Variants in MYH7 observed in about 807,000 individuals in gnomAD.
MYH7 encodes myosin-7.
In MYH7, 129 loss-of-function variants were observed where a neutral mutation model predicts 225.4. The ratio of observed to expected loss-of-function variants is 0.57; its 90% CI spans 0.50 to 0.66. The LOEUF is 0.66. MYH7 is among the 30% of genes least tolerant of loss of function. MYH7 has a pLI of 0.00. For missense variants in MYH7, 1,649 were observed against 2,517.0 expected (o/e 0.66, Z 7.38); for synonymous variants, 971 against 1,007.6 (o/e 0.96, Z 0.69).
chr14:23,429,487 C>G lies in MYH7; in HGVS notation c.1139-140G>C, dbSNP rs547140866. ...GGTCAGGAGTTTGAGACCAACCTGG[C>G]CAACATGATGAAACCCCATCTCTAC... On this transcript the variant is annotated intron_variant, in intron 12 of 39. Coordinates refer to ENST00000355349, the MANE Select transcript of MYH7 (RefSeq NM_000257.4). 5.7e-5 allele frequency: 52 copies of G among 913,866 alleles called. No homozygotes were observed. The South Asian group carries it at 6.5e-4, about 11-fold the overall frequency. 56.6% of individuals were successfully genotyped at this position (913,866 alleles called of 1,614,324 possible). A position where few individuals can be genotyped will look rare whatever the true frequency, so the allele number is the denominator to read the frequency against.
At chr14:23,427,435 C>T in intron 16 of MYH7, 128 bp from the exon 17 acceptor site, 1 of 1,464,858 alleles carries the variant, frequency 6.8e-7, no homozygotes, top group Non-Finnish European at 9.4e-7. Flanking sequence ...ATGTGGCTGC[C>T]TCAGTTTCTT....
At chr14:23,416,365 G>GGGT in intron 33 of MYH7, 53 bp from the exon 34 acceptor site, 1 of 1,580,484 alleles carries the variant, frequency 6.3e-7, no homozygotes, top group South Asian at 1.2e-5. Flanking sequence ...GCACAGGGCA[G>GGGT]GGTGGGGGCC....
At chr14:23,432,836 G>A (rs776118931) in intron 4 of MYH7, 41 bp from the exon 5 acceptor site, 6 of 1,612,924 alleles carry the variant, frequency 3.7e-6, no homozygotes, top group South Asian at 3.3e-5. Context: ...AGTTGCGAAG[G>A]GGGAGGGCTG....
At chr14:23,412,943 A>C in intron 39 of MYH7, 72 bp from the exon 40 acceptor site, 1 of 1,496,216 alleles carries the variant, frequency 6.7e-7, no homozygotes, top group African/African-American at 1.4e-5. Flanking sequence ...CATGGGAACA[A>C]AGGTGAGAGG....
intron 14 of MYH7, 106 bp downstream of exon 14, chr14:23,428,849 C>G: frequency 1.9e-6 from 3 of 1,589,544 alleles, no homozygotes; most frequent in Non-Finnish European, 2.6e-6. Flanking sequence ...CCACACAGTC[C>G]CCACTGCCTT....
chr14:23,429,916 G>A lies in MYH7; in HGVS notation c.1000-3C>T, dbSNP rs1892859272. On this transcript the variant is annotated splice_polypyrimidine_tract_variant and splice_region_variant and intron_variant, in intron 11 of 39. Transcript: ENST00000355349. ...AAGCCCAGCACATCAAAAGCGTTCT[G>A]TAGGGAGGCCCCATATTGGCGGACC... 3 of 1,614,008 alleles carry A rather than the reference G, an allele frequency of 1.9e-6. No homozygotes were observed. Among genetic ancestry groups the A allele is most frequent in the Non-Finnish European group, 2.5e-6 (3 of 1,180,010 alleles).
chr14:23,418,477 C>A, intron 29 of MYH7, 71 bp from the exon 30 acceptor site: 1 of 1,492,746 alleles, frequency 6.7e-7, no homozygotes, highest in Non-Finnish European at 8.9e-7. Context: ...TGCCCTTCTC[C>A]TCACCCCAAT....
intron 17 of MYH7, among the ~76,000 whole-genome samples, 171 bp downstream of exon 17, chr14:23,427,069 A>T (rs1892720906): frequency 6.6e-6 from 1 of 151,498 alleles, no homozygotes; most frequent in Admixed American, 6.6e-5. Context: ...GAAGTAAATA[A>T]GTGAAGAGGC....
At position 23,425,945 on chromosome 14, in the gene MYH7, G is replaced by A. The variant is rs1892679824; in HGVS notation, c.2162+19C>T. On this transcript the variant is annotated intron_variant, in intron 19 of 39. Coordinates refer to ENST00000355349, the MANE Select transcript of MYH7 (RefSeq NM_000257.4). The surrounding 1 kb of genome is among the most constrained non-coding windows in gnomAD (Gnocchi z 4.6). ...TGGCTCCCCCTGTTCTATGAGCTCT[G>A]GTGCACCCTCATACCCACCTCTGCC... The A allele has an allele frequency of 6.2e-7, 1 of 1,613,140 alleles. No individual in the cohort carries two copies.
Position 23,433,292 on chromosome 14 carries a change from AG to A in MYH7, c.202-66del. 1 of 1,610,914 alleles carries A rather than the reference AG, an allele frequency of 6.2e-7. No homozygotes were observed. Among genetic ancestry groups the A allele is most frequent in the South Asian group, 1.1e-5 (1 of 90,730 alleles). On this transcript the variant is annotated intron_variant, in intron 3 of 39. Transcript: ENST00000355349. The surrounding 1 kb of genome is among the most constrained non-coding windows in gnomAD (Gnocchi z 4.1). Reference sequence around the variant, plus strand: ...CTTTCCCTCCTTCCTCAAGAGGGTTAGGAGTTGGTGAGTGACAGGGCAATAG... The same window carrying A: ...CTTTCCCTCCTTCCTCAAGAGGGTTAGAGTTGGTGAGTGACAGGGCAATAG...
At position 23,418,349 on chromosome 14, in the gene MYH7, G is replaced by A. The variant is rs727504352; in HGVS notation, c.4030C>T (p.Arg1344Trp). The A allele has an allele frequency of 3.5e-5, 56 of 1,613,728 alleles. No individual in the cohort carries two copies. The highest frequency in any genetic ancestry group is 4.2e-5 in the Non-Finnish European group (50 of 1,179,946). Residue 1344 changes from arginine (R) to tryptophan (W), a missense_variant, in exon 30 of 40, where the codon CGG (arginine) becomes TGG (tryptophan). Arg to Trp is a moderately radical substitution (Grantham distance 101). This residue lies in a region of MYH7 where 687 missense variants were observed against 913.8 expected (regional missense o/e 0.75). Coordinates refer to ENST00000355349, the MANE Select transcript of MYH7 (RefSeq NM_000257.4). Reference sequence around the variant, plus strand: ...TCCGTCTCCTCCTCGTACTGCTCCCGCAGCAGGTCGCAGTCATGCCGGGCC... The same window carrying A: ...TCCGTCTCCTCCTCGTACTGCTCCCACAGCAGGTCGCAGTCATGCCGGGCC... ...QSARHDCDLL[R>W]EQYEEETEAK...
intron 1 of MYH7, among the ~76,000 whole-genome samples, chr14:23,434,830 A>G (rs1193789407): frequency 6.6e-6 from 1 of 151,994 alleles, no homozygotes; most frequent in East Asian, 1.9e-4. Context: ...TCACAGACAC[A>G]CCCATCACAT....
At chr14:23,429,142 G>A in intron 13 of MYH7, 38 bp from the exon 14 acceptor site, 1 of 1,614,086 alleles carries the variant, frequency 6.2e-7, no homozygotes, top group Non-Finnish European at 8.5e-7. Context: ...GAGCAGGGTT[G>A]TTGGGAAGAG....
intron 24 of MYH7, among the ~76,000 whole-genome samples, chr14:23,423,097 T>C (rs973693573): frequency 6.6e-6 from 1 of 152,012 alleles, no homozygotes; most frequent in African/African-American, 2.4e-5. Flanking sequence ...GATAAGTGAG[T>C]CAACAGACAT....
Position 23,422,292 on chromosome 14 carries a change from G to A in MYH7, c.3133C>T (p.Arg1045Cys), listed in dbSNP as rs45611033. 3.8e-5 allele frequency: 62 copies of A among 1,614,170 alleles called. No individual in the cohort carries two copies. The highest frequency in any genetic ancestry group is 6.7e-5 in the East Asian group (3 of 44,878). Reference protein sequence around the residue: ...EGSLEQEKKVRMDLERAKRKL... With the variant: ...EGSLEQEKKVCMDLERAKRKL... ...CGCTTCGCTCGCTCCAGGTCCATGCGCACCTTCTTCTCTTGCTCCAGGGAT... is the reference window on the plus strand; with the variant it reads ...CGCTTCGCTCGCTCCAGGTCCATGCACACCTTCTTCTCTTGCTCCAGGGAT... Residue 1045 changes from arginine (R) to cysteine (C), a missense_variant, in exon 25 of 40, where the codon CGC becomes TGC. Coordinates refer to ENST00000355349, the MANE Select transcript of MYH7 (RefSeq NM_000257.4).
In MYH7 at chr14:23,431,887, T is replaced by C; in HGVS notation, c.531-18A>G. On this transcript the variant is annotated intron_variant, in intron 6 of 39. Coordinates refer to ENST00000355349, the MANE Select transcript of MYH7 (RefSeq NM_000257.4). ...ATTCTCCGCTGTGAAGACAGGGGCTTATTGGGCAGTGAACAATACTACTGG... is the reference window on the plus strand; with the variant it reads ...ATTCTCCGCTGTGAAGACAGGGGCTCATTGGGCAGTGAACAATACTACTGG... The C allele has an allele frequency of 6.2e-7, 1 of 1,611,110 alleles. No homozygotes were observed. Among genetic ancestry groups the C allele is most frequent in the Non-Finnish European group, 8.5e-7 (1 of 1,177,220 alleles).
At chr14:23,434,062 A>G in intron 2 of MYH7, 132 bp downstream of exon 2, 1 of 575,420 alleles carries the variant, frequency 1.7e-6, no homozygotes, top group Non-Finnish European at 2.6e-6. Context: ...CCCTGGTCAC[A>G]GGTAAGTAGC....
chr14:23,417,333 G>A lies in MYH7; in HGVS notation c.4354-15C>T, dbSNP rs1175603569. On this transcript the variant is annotated splice_polypyrimidine_tract_variant and intron_variant, in intron 31 of 39. Coordinates refer to ENST00000355349, the MANE Select transcript of MYH7 (RefSeq NM_000257.4). ...TCGGCCAGGATCTGCCCGGGGACAA[G>A]GCTCACTCTTCAGCCCCCCAGCCTC... 1.9e-6 allele frequency: 3 copies of A among 1,613,146 alleles called. No homozygotes were observed. Among genetic ancestry groups the A allele is most frequent in the Admixed American group, 1.7e-5 (1 of 60,010 alleles).
At chr14:23,430,712 T>C (rs1892895696) in intron 10 of MYH7, 49 bp from the exon 11 acceptor site, 1 of 1,515,012 alleles carries the variant, frequency 6.6e-7, no homozygotes, top group African/African-American at 1.4e-5. Flanking sequence ...CCGGCTCTCA[T>C]GGAGGCTGCT....
Sources: allele counts gnomAD v4.1 joint callset (sites outside exome capture counted in the v4.1 genomes callset), GRCh38; gene constraint gnomAD v4.1.1; regional missense constraint gnomAD v4.1.1; non-coding constraint Gnocchi (gnomAD v3.1); transcripts MANE v1.5; gene names NCBI Gene and HGNC (gene_info 2026-07-23, HGNC 2026-07-21).